The following PRDM5 variants were observed in gnomAD, a reference collection of about 807,000 sequenced individuals.
PRDM5 encodes the protein PR/SET domain 5.
In PRDM5, 56 loss-of-function variants were observed where a neutral mutation model predicts 81.2. The observed-to-expected ratio is 0.69, with a 90% CI of 0.56 to 0.86. The LOEUF is 0.86. Ranked by LOEUF, PRDM5 falls within the 40% of genes least tolerant of loss-of-function variation. PRDM5 has a pLI of 0.00. For synonymous variants in PRDM5, 267 were observed against 256.4 expected (o/e 1.04, Z -0.39); for missense variants, 697 against 770.1 (o/e 0.91, Z 1.12).
intron 14 of PRDM5, among the ~76,000 whole-genome samples, chr4:120,735,797 T>A (rs908529665): frequency 6.6e-6 from 1 of 152,074 alleles, no homozygotes; most frequent in Non-Finnish European, 1.5e-5. Context: ...CAAAAAATTG[T>A]CAGCAGGCTG....
At chr4:120,727,801 T>G (rs527702838) in intron 14 of PRDM5, among the ~76,000 whole-genome samples, 2 of 152,046 alleles carry the variant, frequency 1.3e-5, no homozygotes, top group South Asian at 4.2e-4. Flanking sequence ...AGCTGGACAG[T>G]GGCTCACGTC....
chr4:120,804,164 A>T (rs893621923), intron 8 of PRDM5, among the ~76,000 whole-genome samples: 2 of 152,238 alleles, frequency 1.3e-5, no homozygotes. Flanking sequence ...TCCTAAATAT[A>T]TATGCACCCA....
chr4:120,703,424 A>C (rs1169777430), intron 15 of PRDM5, among the ~76,000 whole-genome samples: 1 of 152,132 alleles, frequency 6.6e-6, no homozygotes, highest in Non-Finnish European at 1.5e-5. Flanking sequence ...TCCTGGGCTT[A>C]AACGATCCTC....
At chr4:120,767,237 G>A (rs187115483) in intron 13 of PRDM5, among the ~76,000 whole-genome samples, 37 of 152,158 alleles carry the variant, frequency 2.4e-4, no homozygotes, top group African/African-American at 5.8e-4. Flanking sequence ...TAGAATGACC[G>A]TTAGTCATGA....
intron 11 of PRDM5, among the ~76,000 whole-genome samples, chr4:120,781,602 G>A (rs1159944724): frequency 6.6e-6 from 1 of 152,116 alleles, no homozygotes; most frequent in Non-Finnish European, 1.5e-5. Context: ...TACAGCGGGG[G>A]CTGGGATTTG....
downstream of PRDM5, among the ~76,000 whole-genome samples, chr4:120,687,318 T>A (rs1733876034): frequency 6.6e-6 from 1 of 152,094 alleles, no homozygotes; most frequent in African/African-American, 2.4e-5. Flanking sequence ...CTTCCCTGGT[T>A]GTTACATTCT....
intron 3 of PRDM5, among the ~76,000 whole-genome samples, chr4:120,836,826 A>G (rs2149382537): frequency 6.6e-6 from 1 of 152,298 alleles, no homozygotes; most frequent in Non-Finnish European, 1.5e-5. Context: ...GAATATTACT[A>G]CTACTTTAGG....
At chr4:120,735,548 T>A (rs563869549) in intron 14 of PRDM5, among the ~76,000 whole-genome samples, 2 of 152,214 alleles carry the variant, frequency 1.3e-5, no homozygotes, top group South Asian at 4.2e-4. Context: ...AAAAAGCTGT[T>A]CACTTAAAAT....
chr4:120,866,767 A>G (rs1300533447), intron 2 of PRDM5, among the ~76,000 whole-genome samples: 1 of 152,180 alleles, frequency 6.6e-6, no homozygotes, highest in Admixed American at 6.5e-5. Flanking sequence ...CAGAATTCTA[A>G]GACTGACTTC....
chr4:120,710,495 G>C, intron 14 of PRDM5, 82 bp from the exon 15 acceptor site: 1 of 1,132,990 alleles, frequency 8.8e-7, no homozygotes, highest in Admixed American at 1.8e-5. Flanking sequence ...GTGTGTTATG[G>C]GATCCACAGA....
rs771595522 is a variant in PRDM5 at position 120,811,420 on chromosome 4, C to T, written c.895G>A (p.Val299Met). The change falls in exon 8 of 16, where the codon GTG becomes ATG. Residue 299 changes from valine to methionine, a missense_variant. By Grantham distance (21) the Val-to-Met change is conservative (BLOSUM62 1). Coordinates refer to ENST00000264808, the MANE Select transcript of PRDM5 (RefSeq NM_018699.4). Reference sequence around the variant, plus strand: ...GCTGAAGAACACTTTTTATTGCACACTGAACATATAAGCTTTTTCTTAGGA... The same window carrying T: ...GCTGAAGAACACTTTTTATTGCACATTGAACATATAAGCTTTTTCTTAGGA... ...GDPKKKLICS[V>M]CNKKCSSASS... The T allele has an allele frequency of 6.2e-7, 1 of 1,601,920 alleles. No homozygotes were observed. Among genetic ancestry groups the T allele is most frequent in the Admixed American group, 1.7e-5 (1 of 59,746 alleles).
chr4:120,773,863 G>C (rs952424371), intron 13 of PRDM5, among the ~76,000 whole-genome samples: 1 of 152,078 alleles, frequency 6.6e-6, no homozygotes, highest in Non-Finnish European at 1.5e-5. Context: ...GAATCCAGCT[G>C]TCTCCTCTTA....
chr4:120,732,745 T>G (rs2149087786), intron 14 of PRDM5, among the ~76,000 whole-genome samples: 1 of 152,348 alleles, frequency 6.6e-6, no homozygotes, highest in East Asian at 1.9e-4. Context: ...CAAATGAATT[T>G]GAGGAAAGAT....
chr4:120,722,188 C>T (rs937925640), intron 14 of PRDM5, among the ~76,000 whole-genome samples: 2 of 152,150 alleles, frequency 1.3e-5, no homozygotes, highest in Non-Finnish European at 1.5e-5. Flanking sequence ...CACCTGCCTA[C>T]GATCCCCCGA....
chr4:120,899,645 C>G (rs1765026418), intron 2 of PRDM5, among the ~76,000 whole-genome samples: 1 of 152,124 alleles, frequency 6.6e-6, no homozygotes, highest in African/African-American at 2.4e-5. Flanking sequence ...CATCACACAC[C>G]AAGCAAGCAA....
intron 13 of PRDM5, among the ~76,000 whole-genome samples, chr4:120,767,328 C>T (rs889771653): frequency 3.9e-5 from 6 of 152,058 alleles, no homozygotes; most frequent in Admixed American, 1.3e-4. Flanking sequence ...TAAAAGAATA[C>T]TGTCACTGTA....
At chr4:120,729,649 A>T (rs1343725523) in intron 14 of PRDM5, among the ~76,000 whole-genome samples, 2 of 152,228 alleles carry the variant, frequency 1.3e-5, no homozygotes, top group African/African-American at 4.8e-5. Flanking sequence ...CAATACAAGG[A>T]ATTTAGGTAA....
At chr4:120,807,994 C>G (rs1394470754) in intron 8 of PRDM5, among the ~76,000 whole-genome samples, 2 of 152,170 alleles carry the variant, frequency 1.3e-5, no homozygotes, top group Non-Finnish European at 2.9e-5. Context: ...CCGGTGGGTT[C>G]ACGGTCTCAC....
intron 14 of PRDM5, among the ~76,000 whole-genome samples, chr4:120,740,151 T>C (rs1741701405): frequency 6.6e-6 from 1 of 152,120 alleles, no homozygotes; most frequent in South Asian, 2.1e-4. Flanking sequence ...GCATATAAAA[T>C]TCCCCAAGAA....
Sources: gnomAD v4.1 joint callset for allele counts (sites outside exome capture counted in the v4.1 genomes callset) on GRCh38, gnomAD v4.1.1 for gene constraint, MANE v1.5 for transcripts, NCBI Gene and HGNC (gene_info 2026-07-23, HGNC 2026-07-21) for gene names.